INPP4A: variants seen among roughly 807,000 people sequenced by gnomAD.
The protein encoded by INPP4A is inositol polyphosphate-4-phosphatase, type I, 107kD.
In INPP4A, 33 loss-of-function variants were observed where a neutral mutation model predicts 119.8. The ratio of observed to expected loss-of-function variants is 0.28; its 90% confidence interval spans 0.21 to 0.37. INPP4A has a LOEUF of 0.37. Among genes scored for constraint, INPP4A ranks in the 10% least tolerant of loss-of-function variants. The probability of loss-of-function intolerance (pLI) is 1.00; values close to 1 mark genes in which losing one functional copy is unlikely to be tolerated. For missense variants in INPP4A, 956 were observed against 1,289.9 expected, an observed-to-expected ratio of 0.74 and a Z score of 3.97; for synonymous variants, 496 against 500.7, an observed-to-expected ratio of 0.99 and a Z score of 0.12.
chr2:98,452,296 A>AG (rs1695367827), intron 1 of INPP4A, among the ~76,000 whole-genome samples: 1 of 152,148 alleles, frequency 6.6e-6, no homozygotes, highest in Non-Finnish European at 1.5e-5. Context: ...TGTGGTCCTC[A>AG]GACCAGTAGC....
At chr2:98,479,627 C>T (rs1405121358) in intron 1 of INPP4A, among the ~76,000 whole-genome samples, 3 of 152,186 alleles carry the variant, frequency 2.0e-5, no homozygotes, top group Non-Finnish European at 1.5e-5. Context: ...AAAGTGTGGT[C>T]AGGTGCTGGG....
chr2:98,536,169 T>C lies in INPP4A; in HGVS notation c.428T>C (p.Leu143Pro). ...TCTGGAACGTTCATTGTCAAAGATC[T>C]GCTCCAGGACAGGCATCATAGGTTG... ...LGSGTFIVKD[L>P]LQDRHHRLHL... The change falls in exon 7 of 25, where the codon CTG (leucine) becomes CCG (proline). Residue 143 changes from leucine to proline, a missense_variant. Physicochemically the swap from Leu to Pro is moderately conservative, Grantham distance 98. This residue lies in a region of INPP4A where 652 missense variants were observed against 797.9 expected (regional missense o/e 0.82). Transcript: ENST00000409851. 6.2e-7 allele frequency: 1 copy of C among 1,612,306 alleles called. No individual in the cohort carries two copies.
chr2:98,581,522 T>C, intron 24 of INPP4A: 1 of 1,485,966 alleles, frequency 6.7e-7, no homozygotes, highest in Non-Finnish European at 8.9e-7. Flanking sequence ...TTTCTTTATT[T>C]TCTTTCCTTT....
chr2:98,475,528 A>G (rs1677031056), intron 1 of INPP4A, among the ~76,000 whole-genome samples: 1 of 152,272 alleles, frequency 6.6e-6, no homozygotes, highest in African/African-American at 2.4e-5. Context: ...ACACAGAAGT[A>G]GTCAGAATAT....
intron 1 of INPP4A, among the ~76,000 whole-genome samples, chr2:98,515,812 C>T (rs558941967): frequency 2.6e-5 from 4 of 152,282 alleles, no homozygotes; most frequent in African/African-American, 9.6e-5. Flanking sequence ...AATCCTAACA[C>T]CCCTCCCGTC....
chr2:98,543,029 C>T (rs1279839392), intron 10 of INPP4A, among the ~76,000 whole-genome samples: 1 of 152,058 alleles, frequency 6.6e-6, no homozygotes, highest in Admixed American at 6.5e-5. Context: ...ACGCCATTCT[C>T]CTGCCTCAGC....
At chr2:98,466,754 C>G (rs553515325) in intron 1 of INPP4A, among the ~76,000 whole-genome samples, 1 of 152,334 alleles carries the variant, frequency 6.6e-6, no homozygotes, top group South Asian at 2.1e-4. Context: ...TGTCTTCTTT[C>G]TGGTGGGGAC....
rs1700209587 is a variant in INPP4A at position 98,589,281 on chromosome 2, A to G, written c.*1673A>G. 5.4e-6 allele frequency: 1 copy of G among 185,018 alleles called. No individual in the cohort carries two copies. Among genetic ancestry groups the G allele is most frequent in the East Asian group, 8.7e-5 (1 of 11,446 alleles). 11.5% of individuals were successfully genotyped at this position (185,018 alleles called of 1,614,324 possible). A position where few individuals can be genotyped will look rare whatever the true frequency, so the allele number is the denominator to read the frequency against. Reference sequence around the variant, plus strand: ...CTGCTGGTATCAGATTCTCCTTTTTAAGTGTCAATTTCTGTTCACAGACAG... The same window carrying G: ...CTGCTGGTATCAGATTCTCCTTTTTGAGTGTCAATTTCTGTTCACAGACAG... On this transcript the variant is annotated 3_prime_UTR_variant, in exon 25 of 25. Coordinates refer to ENST00000409851, the MANE Select transcript of INPP4A (RefSeq NM_001134225.2).
intron 1 of INPP4A, among the ~76,000 whole-genome samples, chr2:98,478,113 A>G (rs551186389): frequency 6.6e-6 from 1 of 152,320 alleles, no homozygotes; most frequent in Non-Finnish European, 1.5e-5. Context: ...AGGATGTGCT[A>G]TTTTGGACAC....
At chr2:98,458,954 C>T (rs1696641634) in intron 1 of INPP4A, among the ~76,000 whole-genome samples, 1 of 152,196 alleles carries the variant, frequency 6.6e-6, no homozygotes, top group South Asian at 2.1e-4. Flanking sequence ...CGCTAACACC[C>T]GTCAGGATGG....
At position 98,546,896 on chromosome 2, in the gene INPP4A, A is replaced by G. The variant is rs893948974; in HGVS notation, c.1163+202A>G. ...GGTGGGTGATGAGGGCACTGGATCA[A>G]TGGTCCTGTCCTGCAAAATGAGGAG... On this transcript the variant is annotated intron_variant, in intron 13 of 24. Transcript: ENST00000409851. This position sits in a 1 kb window ranked among gnomAD's most constrained non-coding sequence, Gnocchi z 4.2. Among the ~76,000 whole-genome samples the G allele has an allele frequency of 4.6e-5, 7 of 152,086 alleles. No homozygotes were observed. The highest frequency in any genetic ancestry group is 1.9e-4 in the East Asian group (1 of 5,174).
intron 24 of INPP4A, among the ~76,000 whole-genome samples, chr2:98,582,888 A>G (rs986288360): frequency 1.3e-5 from 2 of 152,118 alleles, no homozygotes; most frequent in Non-Finnish European, 2.9e-5. Flanking sequence ...CGCCTACTGC[A>G]TACACCAGAC....
intron 1 of INPP4A, among the ~76,000 whole-genome samples, chr2:98,455,109 C>G (rs1392711394): frequency 6.6e-6 from 1 of 152,116 alleles, no homozygotes; most frequent in East Asian, 1.9e-4. Context: ...GAGGCCAAGG[C>G]AGGAGGATCT....
chr2:98,533,956 A>T (rs755518608), intron 5 of INPP4A, among the ~76,000 whole-genome samples: 23 of 152,252 alleles, frequency 1.5e-4, no homozygotes, highest in Non-Finnish European at 2.8e-4. Flanking sequence ...CCACTAAGTT[A>T]CATGATAAAC....
intron 1 of INPP4A, among the ~76,000 whole-genome samples, chr2:98,510,756 T>G (rs1263083153): frequency 2.0e-5 from 3 of 152,220 alleles, no homozygotes. Context: ...TGTAGCACAG[T>G]GACTGACTCC....
intron 1 of INPP4A, among the ~76,000 whole-genome samples, chr2:98,460,910 G>A (rs1308451517): frequency 6.6e-6 from 1 of 152,208 alleles, no homozygotes; most frequent in Non-Finnish European, 1.5e-5. Context: ...AACACCATGA[G>A]GAAGAGGAAG....
At chr2:98,454,929 GCT>G (rs1695861018) in intron 1 of INPP4A, among the ~76,000 whole-genome samples, 1 of 152,180 alleles carries the variant, frequency 6.6e-6, no homozygotes, top group Non-Finnish European at 1.5e-5. Flanking sequence ...CATTCTTCGT[GCT>G]CTGTGTATAC....
chr2:98,542,987 C>T (rs979666110), intron 10 of INPP4A, among the ~76,000 whole-genome samples: 4 of 151,774 alleles, frequency 2.6e-5, no homozygotes, highest in African/African-American at 4.8e-5. Context: ...TGGTGCGATC[C>T]TGGCTCACTG....
chr2:98,532,566 T>C (rs1177846317), intron 4 of INPP4A, among the ~76,000 whole-genome samples: 1 of 152,198 alleles, frequency 6.6e-6, no homozygotes, highest in African/African-American at 2.4e-5. Context: ...TAGAGTGTAC[T>C]AACAGGATCC....
Sources: gnomAD v4.1 joint callset for allele counts (sites outside exome capture counted in the v4.1 genomes callset) on GRCh38, gnomAD v4.1.1 for gene constraint, gnomAD v4.1.1 regional missense constraint, Gnocchi (gnomAD v3.1) non-coding constraint, MANE v1.5 for transcripts, NCBI Gene and HGNC (gene_info 2026-07-23, HGNC 2026-07-21) for gene names.